Variants in FBRSL1 observed in about 807,000 individuals in gnomAD.
FBRSL1 encodes the protein fibrosin-1-like protein.
FBRSL1 carries 51 observed loss-of-function variants against 89.6 expected under a neutral mutation model. The observed-to-expected ratio is 0.57, with a 90% CI of 0.45 to 0.72. FBRSL1 has a LOEUF of 0.72. Among genes scored for constraint, FBRSL1 ranks in the 30% least tolerant of loss-of-function variants. FBRSL1 has a pLI of 0.00. For missense variants in FBRSL1, 1,618 were observed against 1,451.8 expected (o/e 1.11, Z -1.86); for synonymous variants, 779 against 681.1 (o/e 1.14, Z -2.24).
At chr12:132,564,502 GTT>G (rs1416555184) in intron 5 of FBRSL1, among the ~76,000 whole-genome samples, 1 of 95,270 alleles carries the variant, frequency 1.0e-5, no homozygotes, top group Admixed American at 8.8e-5. Flanking sequence ...GCCCTCCAAG[GTT>G]TTTTTTTTTG....
chr12:132,503,875 G>A (rs544560797), intron 1 of FBRSL1, among the ~76,000 whole-genome samples: 17 of 152,298 alleles, frequency 1.1e-4, no homozygotes, highest in Admixed American at 6.5e-4. Flanking sequence ...AAGGTTCTGG[G>A]AGCCAAGCAG....
At chr12:132,547,126 C>T (rs558724929) in intron 4 of FBRSL1, among the ~76,000 whole-genome samples, 5 of 152,246 alleles carry the variant, frequency 3.3e-5, no homozygotes, top group African/African-American at 1.2e-4. Flanking sequence ...GTGTGTTCTT[C>T]GTAGAGCTCT....
intron 5 of FBRSL1, chr12:132,551,545 C>T (rs1042457582): frequency 2.2e-6 from 1 of 456,326 alleles, no homozygotes; most frequent in South Asian, 1.5e-5. Flanking sequence ...TCATCCCACA[C>T]CTGCGGGTTT....
At chr12:132,528,046 C>G in intron 4 of FBRSL1, 58 bp downstream of exon 4, 1 of 1,430,438 alleles carries the variant, frequency 7.0e-7, no homozygotes, top group Non-Finnish European at 9.6e-7. Context: ...AGGACCAGGT[C>G]CCCACCTCAC....
At chr12:132,495,103 G>C (rs1054887536) in intron 1 of FBRSL1, among the ~76,000 whole-genome samples, 2 of 152,226 alleles carry the variant, frequency 1.3e-5, no homozygotes, top group East Asian at 3.8e-4. Flanking sequence ...TACAGGTTTT[G>C]AGACACGGCC....
chr12:132,564,793 C>A (rs529336853), intron 5 of FBRSL1, among the ~76,000 whole-genome samples: 1 of 140,388 alleles, frequency 7.1e-6, no homozygotes, highest in South Asian at 2.4e-4. Flanking sequence ...CCACGCCCGG[C>A]TAATTTTTTG....
At chr12:132,571,263 G>T in intron 9 of FBRSL1, 32 bp downstream of exon 9, 1 of 1,482,382 alleles carries the variant, frequency 6.7e-7, no homozygotes. Flanking sequence ...CCGGGAGCCC[G>T]CGGCCAACGT....
At chr12:132,509,252 C>T in intron 2 of FBRSL1, 1 of 1,253,958 alleles carries the variant, frequency 8.0e-7, no homozygotes, top group Non-Finnish European at 9.9e-7. Flanking sequence ...TCCAGCCCAG[C>T]CAGTCCAGCC....
At chr12:132,492,319 T>G (rs1377189557) in intron 1 of FBRSL1, among the ~76,000 whole-genome samples, 1 of 152,206 alleles carries the variant, frequency 6.6e-6, no homozygotes, top group Non-Finnish European at 1.5e-5. Flanking sequence ...CTCAGACTCC[T>G]CTGAAGTGGT....
At chr12:132,581,263 G>A (rs1453215204) in intron 15 of FBRSL1, 176 bp from the exon 16 acceptor site, 1 of 985,294 alleles carries the variant, frequency 1.0e-6, no homozygotes, top group Non-Finnish European at 1.2e-6. Context: ...CCTCCGAATT[G>A]TGGGGTAGAT....
intron 1 of FBRSL1, among the ~76,000 whole-genome samples, chr12:132,496,889 G>T (rs1160837712): frequency 7.1e-6 from 1 of 140,240 alleles, no homozygotes; most frequent in African/African-American, 2.6e-5. Context: ...GCATCGGGTA[G>T]GGGTGGCCCT....
intron 5 of FBRSL1, among the ~76,000 whole-genome samples, chr12:132,557,574 C>G (rs905612489): frequency 2.0e-5 from 3 of 152,290 alleles, no homozygotes; most frequent in East Asian, 1.9e-4. Context: ...GTGCTGAAGG[C>G]GGCCTCAGGA....
At chr12:132,532,116 C>CCCATGCACAGAATGTT (rs2036340223) in intron 4 of FBRSL1, among the ~76,000 whole-genome samples, 3 of 152,206 alleles carry the variant, frequency 2.0e-5, no homozygotes, top group Admixed American at 2.0e-4. Flanking sequence ...CCCTCCCACA[C>CCCATGCACAGAATGTT]CCATGCACAG....
intron 6 of FBRSL1, 75 bp downstream of exon 6, chr12:132,567,601 A>G: frequency 6.9e-7 from 1 of 1,444,396 alleles, no homozygotes; most frequent in South Asian, 1.2e-5. Flanking sequence ...GCGGCAGGAC[A>G]TCCCCCTGAA....
chr12:132,575,585 A>G (rs2040333098), intron 14 of FBRSL1, among the ~76,000 whole-genome samples: 1 of 152,256 alleles, frequency 6.6e-6, no homozygotes, highest in African/African-American at 2.4e-5. Context: ...CACACAGCAG[A>G]GGGATCAGGT....
In FBRSL1 at chr12:132,583,018, C is replaced by A. The variant is rs776295522; in HGVS notation, c.2249C>A (p.Thr750Asn). ...TRLLSRASPA[T>N]PAGHPVSGLL... ...CTGCTGAGCCGGGCCTCGCCCGCCACCCCCGCTGGCCACCCCGTCAGCGGC... is the reference window on the plus strand; with the variant it reads ...CTGCTGAGCCGGGCCTCGCCCGCCAACCCCGCTGGCCACCCCGTCAGCGGC... The change falls in exon 19 of 19, where the codon ACC becomes AAC. Residue 750 changes from threonine (T) to asparagine (N), a missense_variant. Coordinates refer to ENST00000680143, the MANE Select transcript of FBRSL1 (RefSeq NM_001367871.1). The A allele has an allele frequency of 2.7e-6, 4 of 1,456,486 alleles. No individual in the cohort carries two copies. Among genetic ancestry groups the A allele is most frequent in the Middle Eastern group, 2.4e-4 (1 of 4,090 alleles). The allele number at this position is 1,456,486 out of a possible 1,614,324, so 90.2% of individuals were successfully genotyped here.
At chr12:132,547,890 G>C (rs2037832251) in intron 4 of FBRSL1, 113 bp from the exon 5 acceptor site, 8 of 1,159,852 alleles carry the variant, frequency 6.9e-6, no homozygotes, top group Non-Finnish European at 1.0e-5. Context: ...CCCTCTCCTG[G>C]CAGCAGCCAG....
intron 4 of FBRSL1, among the ~76,000 whole-genome samples, chr12:132,537,877 A>G (rs1225815287): frequency 6.6e-6 from 1 of 152,216 alleles, no homozygotes; most frequent in Non-Finnish European, 1.5e-5. Flanking sequence ...ACAAATAAGC[A>G]GCTGATCGGA....
chr12:132,550,745 G>GGGATGCTGCACC (rs2038091627), intron 5 of FBRSL1: 1 of 152,836 alleles, frequency 6.5e-6, no homozygotes. Flanking sequence ...CCGAGTGCAT[G>GGGATGCTGCACC]GGATGCTGCA....
Sources: allele counts gnomAD v4.1 joint callset (sites outside exome capture counted in the v4.1 genomes callset), GRCh38; gene constraint gnomAD v4.1.1; transcripts MANE v1.5; gene names NCBI Gene and HGNC (gene_info 2026-07-23, HGNC 2026-07-21).